The following HS6ST3 variants were observed in gnomAD, a reference collection of about 807,000 sequenced individuals.
HS6ST3 encodes the protein heparan sulfate 6-O-sulfotransferase 3.
A neutral mutation model predicts 36.7 loss-of-function variants in HS6ST3; 12 were observed. The observed-to-expected ratio is 0.33, with a 90% CI of 0.21 to 0.53. The LOEUF is 0.53. Ranked by LOEUF, HS6ST3 falls within the 20% of genes least tolerant of loss-of-function variation. HS6ST3 has a pLI of 0.95. For synonymous variants in HS6ST3, 240 were observed against 257.5 expected (o/e 0.93, Z 0.65); for missense variants, 584 against 640.9 (o/e 0.91, Z 0.96).
intron 1 of HS6ST3, among the ~76,000 whole-genome samples, chr13:96,727,817 C>G (rs1876044506): frequency 6.6e-6 from 1 of 152,172 alleles, no homozygotes; most frequent in Admixed American, 6.5e-5. Flanking sequence ...ACCTCTCAGC[C>G]TCTTCCCATG....
chr13:96,134,899 TAG>T (rs1309170757), intron 1 of HS6ST3, among the ~76,000 whole-genome samples: 1 of 152,190 alleles, frequency 6.6e-6, no homozygotes, highest in Non-Finnish European at 1.5e-5. Context: ...ATATTAGAAT[TAG>T]AGTTTTTCTT....
intron 1 of HS6ST3, among the ~76,000 whole-genome samples, chr13:96,701,340 A>C (rs2138452888): frequency 6.6e-6 from 1 of 152,342 alleles, no homozygotes; most frequent in South Asian, 2.1e-4. Flanking sequence ...TGACTAATGG[A>C]ATAATGTGGT....
At chr13:96,663,041 G>C (rs2056651921) in intron 1 of HS6ST3, among the ~76,000 whole-genome samples, 2 of 152,088 alleles carry the variant, frequency 1.3e-5, no homozygotes, top group African/African-American at 4.8e-5. Flanking sequence ...GCTGGGAGAG[G>C]GGACAAAACT....
intron 1 of HS6ST3, among the ~76,000 whole-genome samples, chr13:96,602,180 A>G (rs1462519722): frequency 3.3e-5 from 5 of 152,068 alleles, no homozygotes; most frequent in Admixed American, 3.3e-4. Flanking sequence ...CCCTCATTTC[A>G]CAGAATCTGT....
chr13:96,454,315 T>C (rs2055744378), intron 1 of HS6ST3, among the ~76,000 whole-genome samples: 1 of 152,180 alleles, frequency 6.6e-6, no homozygotes, highest in Non-Finnish European at 1.5e-5. Flanking sequence ...TTGAGACCTT[T>C]GCTTTTTCAA....
intron 1 of HS6ST3, among the ~76,000 whole-genome samples, chr13:96,228,190 G>A (rs1054385594): frequency 1.3e-5 from 2 of 152,164 alleles, no homozygotes; most frequent in African/African-American, 4.8e-5. Flanking sequence ...GAATAGGTAT[G>A]GCTGTGTTCC....
chr13:96,662,826 A>G (rs538784317), intron 1 of HS6ST3, among the ~76,000 whole-genome samples: 81 of 152,002 alleles, frequency 5.3e-4, no homozygotes, highest in Non-Finnish European at 9.9e-4. Context: ...TATATTGGTT[A>G]GGGTCTTTGC....
intron 1 of HS6ST3, among the ~76,000 whole-genome samples, chr13:96,354,569 A>G (rs996922877): frequency 6.6e-6 from 1 of 152,194 alleles, no homozygotes; most frequent in African/African-American, 2.4e-5. Context: ...AACTCCATAT[A>G]TCTTCAAATT....
chr13:96,556,566 AT>A (rs1215936499), intron 1 of HS6ST3, among the ~76,000 whole-genome samples: 2 of 152,204 alleles, frequency 1.3e-5, no homozygotes, highest in African/African-American at 2.4e-5. Flanking sequence ...TGATGTTTAC[AT>A]TTGTCAAGTG....
chr13:96,786,468 C>T (rs538589744), intron 1 of HS6ST3, among the ~76,000 whole-genome samples: 2 of 152,244 alleles, frequency 1.3e-5, no homozygotes, highest in South Asian at 4.1e-4. Context: ...CTGGCATACA[C>T]CTGGCACGTG....
At chr13:96,413,781 G>T (rs2055520064) in intron 1 of HS6ST3, among the ~76,000 whole-genome samples, 1 of 152,202 alleles carries the variant, frequency 6.6e-6, no homozygotes, top group Non-Finnish European at 1.5e-5. Flanking sequence ...GACATCATTA[G>T]TCTGGAACCT....
At chr13:96,651,451 C>T (rs550563546) in intron 1 of HS6ST3, among the ~76,000 whole-genome samples, 2 of 151,932 alleles carry the variant, frequency 1.3e-5, no homozygotes, top group Non-Finnish European at 2.9e-5. Flanking sequence ...AATCTTGCCT[C>T]CTCTGATATC....
At chr13:96,181,856 T>A (rs1172936924) in intron 1 of HS6ST3, among the ~76,000 whole-genome samples, 1 of 152,098 alleles carries the variant, frequency 6.6e-6, no homozygotes, top group East Asian at 1.9e-4. Context: ...GCAATTTATC[T>A]TTTTTTTCTC....
At chr13:96,662,774 G>T (rs527789092) in intron 1 of HS6ST3, among the ~76,000 whole-genome samples, 2 of 152,024 alleles carry the variant, frequency 1.3e-5, no homozygotes, top group South Asian at 4.2e-4. Flanking sequence ...AATTTTCTTT[G>T]CTTTGGATGG....
intron 1 of HS6ST3, among the ~76,000 whole-genome samples, chr13:96,706,959 G>A (rs1364305060): frequency 1.3e-5 from 2 of 152,122 alleles, no homozygotes; most frequent in African/African-American, 4.8e-5. Flanking sequence ...TTCAAAAAAA[G>A]GAAATATATA....
At chr13:96,213,527 AT>A (rs375188560) in intron 1 of HS6ST3, among the ~76,000 whole-genome samples, 56,825 of 145,136 alleles carry the variant, frequency 0.39, 11,101 homozygotes, top group Non-Finnish European at 0.47. Flanking sequence ...GTGTAGGACA[AT>A]TTTTTTTTTT....
intron 1 of HS6ST3, among the ~76,000 whole-genome samples, chr13:96,818,865 G>C (rs1005075986): frequency 6.6e-6 from 1 of 152,136 alleles, no homozygotes; most frequent in African/African-American, 2.4e-5. Context: ...AGTCTACAAG[G>C]GTTGTATCAA....
chr13:96,461,710 C>G (rs538463523), intron 1 of HS6ST3, among the ~76,000 whole-genome samples: 1 of 152,156 alleles, frequency 6.6e-6, no homozygotes, highest in African/African-American at 2.4e-5. Context: ...ATCCACAAAA[C>G]CTTGAACTTT....
intron 1 of HS6ST3, among the ~76,000 whole-genome samples, chr13:96,101,871 C>A (rs889845191): frequency 6.6e-6 from 1 of 152,104 alleles, no homozygotes; most frequent in Non-Finnish European, 1.5e-5. Flanking sequence ...CTCTCTTGCA[C>A]GTGCACATAC....
Sources: gnomAD v4.1 joint callset for allele counts (sites outside exome capture counted in the v4.1 genomes callset) on GRCh38, gnomAD v4.1.1 for gene constraint, MANE v1.5 for transcripts, NCBI Gene and HGNC (gene_info 2026-07-23, HGNC 2026-07-21) for gene names.